Variants in KAZN observed in about 807,000 individuals in gnomAD.
The protein encoded by KAZN is kazrin.
KAZN carries 40 observed loss-of-function variants against 87.4 expected under a neutral mutation model. The ratio of observed to expected loss-of-function variants is 0.46; its 90% CI spans 0.36 to 0.60. KAZN has a LOEUF of 0.60. Among genes scored for constraint, KAZN ranks in the 20% least tolerant of loss-of-function variants. The pLI is 0.00. For synonymous variants in KAZN, 466 were observed against 458.3 expected (o/e 1.02, Z -0.22); for missense variants, 898 against 1,073.9 (o/e 0.84, Z 2.29).
intron 1 of KAZN, among the ~76,000 whole-genome samples, chr1:13,955,854 G>A (rs991507976): frequency 6.6e-6 from 1 of 152,176 alleles, no homozygotes; most frequent in African/African-American, 2.4e-5. Context: ...AAGTCCTTGG[G>A]ACTTCTTAGT....
chr1:14,864,753 G>A (rs1487583221), intron 1 of KAZN, among the ~76,000 whole-genome samples: 1 of 152,104 alleles, frequency 6.6e-6, no homozygotes, highest in Non-Finnish European at 1.5e-5. Context: ...GCATTCAGAG[G>A]ACGGGCTCTG....
At chr1:14,045,299 G>A (rs1236017642) in intron 1 of KAZN, among the ~76,000 whole-genome samples, 1 of 152,180 alleles carries the variant, frequency 6.6e-6, no homozygotes, top group African/African-American at 2.4e-5. Flanking sequence ...GTATATACCT[G>A]GAGAGGCATT....
rs35661143 is a variant in KAZN at position 13,945,473 on chromosome 1, CAAA to C, written c.91+51732_91+51734del. Among the ~76,000 whole-genome samples the C allele has an allele frequency of 4.5e-3, 491 of 110,288 alleles. 3 individuals are homozygous for C. Among genetic ancestry groups the C allele is most frequent in the African/African-American group, 0.016 (464 of 29,332 alleles). The allele number at this position is 110,288 out of a possible 152,430, so 72.4% of individuals were successfully genotyped here. On this transcript the variant is annotated intron_variant, in intron 1 of 16. Coordinates refer to the KAZN transcript ENST00000636203. ...TGGGCAACAGAGGGAGAGTCCGTCT[CAAA>C]AAAAAAAAAAAAAATTAGAATTGAT...
intron 2 of KAZN, among the ~76,000 whole-genome samples, chr1:14,434,058 T>C (rs1179652479): frequency 2.1e-5 from 3 of 140,716 alleles, no homozygotes; most frequent in Non-Finnish European, 4.6e-5. Flanking sequence ...CATAACTTGA[T>C]GTTTAAGCCA....
rs1640694700 is a variant in KAZN, at chr1:15,094,165, A to C, written c.1223-15A>C. 1 of 1,611,006 alleles carries C rather than the reference A, an allele frequency of 6.2e-7. No homozygotes were observed. Among genetic ancestry groups the C allele is most frequent in the Non-Finnish European group, 8.5e-7 (1 of 1,179,090 alleles). On this transcript the variant is annotated splice_polypyrimidine_tract_variant and intron_variant, in intron 8 of 14. Transcript: ENST00000376030. The surrounding 1 kb of genome is among the most constrained non-coding windows in gnomAD (Gnocchi z 4.5). ...AGCCTCGTCCCCCAGCATGGCCTGC[A>C]CTTGTGTGTTGCAGACTCGGACAGC...
intron 2 of KAZN, among the ~76,000 whole-genome samples, chr1:14,989,920 G>A (rs1296849688): frequency 6.6e-6 from 1 of 152,222 alleles, no homozygotes; most frequent in African/African-American, 2.4e-5. Flanking sequence ...TTGGAGCAGA[G>A]GAGATAGGCA....
intron 2 of KAZN, among the ~76,000 whole-genome samples, chr1:14,482,185 AC>A (rs1669120540): frequency 6.6e-6 from 1 of 152,122 alleles, no homozygotes; most frequent in Non-Finnish European, 1.5e-5. Flanking sequence ...ACAGATGCTC[AC>A]CCCCTCCCGC....
chr1:14,184,143 A>G lies in KAZN; in HGVS notation c.249+3551A>G, dbSNP rs1646256182. ...TCCATCGTTAGGCGGAAAAGACCTG[A>G]AATTTGCTTTACTCTTCAAACTCTC... On this transcript the variant is annotated intron_variant, in intron 2 of 16. Coordinates refer to the KAZN transcript ENST00000636203. The surrounding 1 kb of genome is among the most constrained non-coding windows in gnomAD (Gnocchi z 4.2). Among the ~76,000 whole-genome samples, 1 of 152,114 alleles carries G rather than the reference A, an allele frequency of 6.6e-6. No individual in the cohort carries two copies. The highest frequency in any genetic ancestry group is 2.4e-5 in the African/African-American group (1 of 41,418).
At chr1:14,401,112 G>C (rs563558153) in intron 2 of KAZN, among the ~76,000 whole-genome samples, 1 of 152,248 alleles carries the variant, frequency 6.6e-6, no homozygotes, top group South Asian at 2.1e-4. Flanking sequence ...GGATAAGAAG[G>C]GGGCAGAAGA....
At chr1:14,414,344 G>GAAAAAA (rs5772578) in intron 2 of KAZN, among the ~76,000 whole-genome samples, 1 of 107,842 alleles carries the variant, frequency 9.3e-6, no homozygotes, top group Non-Finnish European at 1.9e-5. Context: ...TTTGTCATAG[G>GAAAAAA]AAAAAAAAAA....
At chr1:14,270,782 T>A (rs1485010073) in intron 2 of KAZN, among the ~76,000 whole-genome samples, 3 of 152,176 alleles carry the variant, frequency 2.0e-5, no homozygotes, top group Non-Finnish European at 4.4e-5. Flanking sequence ...AACCCTCTTT[T>A]TTCTGGACCT....
intron 1 of KAZN, among the ~76,000 whole-genome samples, chr1:14,664,643 T>C (rs1406253993): frequency 1.3e-5 from 2 of 151,340 alleles, no homozygotes; most frequent in Non-Finnish European, 1.5e-5. Flanking sequence ...AGGGATCCTT[T>C]TCTTTTTCTC....
intron 1 of KAZN, among the ~76,000 whole-genome samples, chr1:14,643,600 T>C (rs972001428): frequency 6.6e-6 from 1 of 152,224 alleles, no homozygotes; most frequent in Non-Finnish European, 1.5e-5. Flanking sequence ...CCATGTCTTT[T>C]GCTATTGTGA....
intron 2 of KAZN, among the ~76,000 whole-genome samples, chr1:14,410,658 A>C (rs1289462521): frequency 6.6e-6 from 1 of 152,222 alleles, no homozygotes; most frequent in Non-Finnish European, 1.5e-5. Flanking sequence ...CCCTGAATAC[A>C]ATCAGAACTG....
chr1:14,815,032 A>G (rs996857763), intron 1 of KAZN, among the ~76,000 whole-genome samples: 2 of 152,174 alleles, frequency 1.3e-5, no homozygotes, highest in Non-Finnish European at 2.9e-5. Context: ...CACTCACAGC[A>G]GGGCCTGAGT....
chr1:15,059,932 C>T (rs1416120284), intron 5 of KAZN, among the ~76,000 whole-genome samples: 3 of 152,140 alleles, frequency 2.0e-5, no homozygotes, highest in African/African-American at 7.2e-5. Context: ...TCCTCGTTCA[C>T]GCTGGTGGAG....
At chr1:15,093,593 C>A (rs1640656494) in intron 8 of KAZN, among the ~76,000 whole-genome samples, 1 of 152,046 alleles carries the variant, frequency 6.6e-6, no homozygotes, top group Non-Finnish European at 1.5e-5. Flanking sequence ...GGGGAACATG[C>A]AGGAAATCGA....
At chr1:14,146,564 AAAAG>A (rs568096793) in intron 1 of KAZN, among the ~76,000 whole-genome samples, 8 of 149,776 alleles carry the variant, frequency 5.3e-5, no homozygotes, top group East Asian at 1.9e-4. Context: ...AAAAGAAAAG[AAAAG>A]AAAGAAAGAA....
chr1:14,977,220 G>A (rs1665732673), intron 2 of KAZN, among the ~76,000 whole-genome samples: 2 of 152,232 alleles, frequency 1.3e-5, no homozygotes, highest in Non-Finnish European at 1.5e-5. Context: ...GTCTGTCTCT[G>A]TCCTTCAGCC....
Sources: gnomAD v4.1 joint callset for allele counts (sites outside exome capture counted in the v4.1 genomes callset) on GRCh38, gnomAD v4.1.1 for gene constraint, Gnocchi (gnomAD v3.1) non-coding constraint, MANE v1.5 for transcripts, NCBI Gene and HGNC (gene_info 2026-07-23, HGNC 2026-07-21) for gene names.